The following GABRG3 variants were observed in gnomAD, a reference collection of about 807,000 sequenced individuals.
GABRG3 encodes gamma-aminobutyric acid type A receptor subunit gamma3.
A neutral mutation model predicts 48.8 loss-of-function variants in GABRG3; 25 were observed. The ratio of observed to expected loss-of-function variants is 0.51; its 90% confidence interval spans 0.37 to 0.72. GABRG3 has a LOEUF of 0.72. GABRG3 is among the 30% of genes least tolerant of loss of function. The pLI, the probability that GABRG3 is intolerant of heterozygous loss-of-function variation, is 0.00. For synonymous variants in GABRG3, 227 were observed against 217.6 expected (o/e 1.04, Z -0.38); for missense variants, 394 against 577.9 (o/e 0.68, Z 3.26).
chr15:27,244,327 C>T (rs1245543837), intron 3 of GABRG3, among the ~76,000 whole-genome samples: 1 of 152,124 alleles, frequency 6.6e-6, no homozygotes, highest in East Asian at 1.9e-4. Context: ...GGCAGAGGTC[C>T]CAGGAGACTT....
intron 5 of GABRG3, among the ~76,000 whole-genome samples, chr15:27,448,077 A>C (rs920568468): frequency 1.3e-5 from 2 of 152,162 alleles, no homozygotes; most frequent in Admixed American, 6.5e-5. Flanking sequence ...AGGAACTTAC[A>C]TTTGTTATTA....
At chr15:26,992,748 G>A (rs1315230279) in intron 2 of GABRG3, among the ~76,000 whole-genome samples, 2 of 152,020 alleles carry the variant, frequency 1.3e-5, no homozygotes, top group Non-Finnish European at 2.9e-5. Context: ...GAATTTGGAA[G>A]TATCCCCTCT....
chr15:27,059,017 G>T (rs1337639199), intron 3 of GABRG3, among the ~76,000 whole-genome samples: 2 of 152,172 alleles, frequency 1.3e-5, no homozygotes, highest in East Asian at 1.9e-4. Flanking sequence ...ATGCTAAGCT[G>T]CTGTAACAGC....
At chr15:27,159,011 A>G (rs751055903) in intron 3 of GABRG3, among the ~76,000 whole-genome samples, 1 of 152,214 alleles carries the variant, frequency 6.6e-6, no homozygotes, top group South Asian at 2.1e-4. Context: ...AGTCATGTAC[A>G]GTGTTCTCTC....
chr15:27,431,798 G>A (rs924858115), intron 5 of GABRG3, among the ~76,000 whole-genome samples: 2 of 152,142 alleles, frequency 1.3e-5, no homozygotes, highest in Non-Finnish European at 2.9e-5. Context: ...ATTCTATTAA[G>A]AGTGTATTAT....
At chr15:27,009,171 G>A (rs1287140795) in intron 2 of GABRG3, among the ~76,000 whole-genome samples, 2 of 152,200 alleles carry the variant, frequency 1.3e-5, no homozygotes, top group Admixed American at 6.5e-5. Context: ...GGACTGCTGC[G>A]GGCTCCTCTA....
rs886850921 is a variant in GABRG3, at chr15:27,180,065, T to C, written c.271-146744T>C. ...GAGCCACTGCCTGATCGAACATCTC[T>C]GTGAGTCTTGGCCTTCCCCAGGAGA... On this transcript the variant is annotated intron_variant, in intron 3 of 9. Coordinates refer to ENST00000615808, the MANE Select transcript of GABRG3 (RefSeq NM_033223.5). The surrounding 1 kb of genome is among the most constrained non-coding windows in gnomAD (Gnocchi z 4.2). Among the ~76,000 whole-genome samples, 1 of 152,184 alleles carries C rather than the reference T, an allele frequency of 6.6e-6. No homozygotes were observed. The highest frequency in any genetic ancestry group is 1.5e-5 in the Non-Finnish European group (1 of 68,040).
At chr15:27,091,086 A>G (rs1322249788) in intron 3 of GABRG3, among the ~76,000 whole-genome samples, 1 of 152,196 alleles carries the variant, frequency 6.6e-6, no homozygotes, top group Non-Finnish European at 1.5e-5. Flanking sequence ...TTAAGGGAGA[A>G]AGGGTGCAGT....
intron 6 of GABRG3, among the ~76,000 whole-genome samples, chr15:27,507,176 A>G (rs1158970550): frequency 6.6e-6 from 1 of 152,146 alleles, no homozygotes; most frequent in African/African-American, 2.4e-5. Context: ...CTATAGTCTA[A>G]GGACTTACTT....
chr15:27,411,996 A>G (rs912755427), intron 5 of GABRG3, among the ~76,000 whole-genome samples: 5 of 151,706 alleles, frequency 3.3e-5, no homozygotes, highest in African/African-American at 1.2e-4. Flanking sequence ...TTTGTAAATT[A>G]TTTTTCTTCT....
At chr15:27,314,244 G>A (rs1386694411) in intron 3 of GABRG3, among the ~76,000 whole-genome samples, 1 of 152,100 alleles carries the variant, frequency 6.6e-6, no homozygotes. Flanking sequence ...GTTGAAAAAT[G>A]GACTAAAGAC....
chr15:27,148,625 T>A (rs755694987), intron 3 of GABRG3, among the ~76,000 whole-genome samples: 11 of 151,962 alleles, frequency 7.2e-5, no homozygotes, highest in Non-Finnish European at 1.5e-4. Context: ...GCAATCTGAA[T>A]CCAGCAACAT....
intron 3 of GABRG3, among the ~76,000 whole-genome samples, chr15:27,310,912 G>A (rs1892972189): frequency 6.6e-6 from 1 of 152,108 alleles, no homozygotes. Context: ...GTAATTGGAT[G>A]CTCTTATGAG....
intron 3 of GABRG3, among the ~76,000 whole-genome samples, chr15:27,163,756 C>T (rs1887276517): frequency 6.6e-6 from 1 of 152,190 alleles, no homozygotes; most frequent in Non-Finnish European, 1.5e-5. Context: ...TCTTGAGTGT[C>T]CCCAAAACTT....
chr15:27,055,927 T>G (rs1209023504), intron 3 of GABRG3, among the ~76,000 whole-genome samples: 1 of 152,224 alleles, frequency 6.6e-6, no homozygotes, highest in Admixed American at 6.5e-5. Flanking sequence ...TGGCAAATAA[T>G]AAATGCACAT....
At chr15:27,152,234 CTA>C (rs1215511612) in intron 3 of GABRG3, among the ~76,000 whole-genome samples, 2 of 152,108 alleles carry the variant, frequency 1.3e-5, no homozygotes, top group East Asian at 1.9e-4. Flanking sequence ...GCTGAAAAGA[CTA>C]TGTTTCCTCC....
At chr15:27,066,574 G>A (rs567378045) in intron 3 of GABRG3, among the ~76,000 whole-genome samples, 1 of 152,272 alleles carries the variant, frequency 6.6e-6, no homozygotes, top group South Asian at 2.1e-4. Context: ...CAGGCCACCA[G>A]AAGGACTTTC....
chr15:27,389,437 G>A (rs983461151), intron 5 of GABRG3, among the ~76,000 whole-genome samples: 10 of 152,280 alleles, frequency 6.6e-5, no homozygotes, highest in African/African-American at 2.4e-4. Context: ...GTAAATGAAA[G>A]CTTTTTCAAC....
intron 3 of GABRG3, among the ~76,000 whole-genome samples, chr15:27,171,964 G>A (rs1480053740): frequency 6.6e-6 from 1 of 152,146 alleles, no homozygotes; most frequent in African/African-American, 2.4e-5. Flanking sequence ...TCCTCCCGAG[G>A]TGGAAGGTGT....
Sources: allele counts gnomAD v4.1 joint callset (sites outside exome capture counted in the v4.1 genomes callset), GRCh38; gene constraint gnomAD v4.1.1; non-coding constraint Gnocchi (gnomAD v3.1); transcripts MANE v1.5; gene names NCBI Gene and HGNC (gene_info 2026-07-23, HGNC 2026-07-21).